SPEF2: variants seen among roughly 807,000 people sequenced by gnomAD.
SPEF2 encodes sperm flagellar and cilia associated 2, also known as sperm flagella and cilia-associated protein 2.
Under a neutral mutation model 224.6 loss-of-function variants are expected in SPEF2, and 187 were observed. The observed-to-expected ratio is 0.83, with a 90% CI of 0.74 to 0.94. SPEF2 has a LOEUF of 0.94. SPEF2 is among the 40% of genes least tolerant of loss of function. The pLI, the probability that SPEF2 is intolerant of heterozygous loss-of-function variation, is 0.00. For missense variants in SPEF2, 2,170 were observed against 2,135.6 expected (o/e 1.02, Z -0.32); for synonymous variants, 715 against 707.3 (o/e 1.01, Z -0.17).
Position 35,667,266 on chromosome 5 carries a change from A to AT in SPEF2, c.1355+15dup, listed in dbSNP as rs566674548. 1,039 of 1,586,786 alleles carry AT rather than the reference A, an allele frequency of 6.5e-4. 4 individuals are homozygous for AT. The highest frequency in any genetic ancestry group is 8.7e-4 in the Admixed American group (50 of 57,476). On this transcript the variant is annotated splice_region_variant and intron_variant, in intron 9 of 36. Transcript: ENST00000356031. ...ATCGAATGTTGACAAATAAGTAAGT[A>AT]TTTTTTTTGTAATAACAGTAGAGAC...
chr5:35,629,127 TTC>T (rs1340110153), intron 2 of SPEF2, among the ~76,000 whole-genome samples: 1 of 151,616 alleles, frequency 6.6e-6, no homozygotes, highest in Admixed American at 6.6e-5. Context: ...CCAGATTACT[TTC>T]TGTTTTGTTA....
chr5:35,805,026 G>A (rs1757890343), intron 34 of SPEF2, among the ~76,000 whole-genome samples: 2 of 152,152 alleles, frequency 1.3e-5, no homozygotes, highest in Admixed American at 6.5e-5. Flanking sequence ...TTATTGATGG[G>A]TAGCCAATGC....
chr5:35,677,618 A>G (rs994351894), intron 10 of SPEF2, among the ~76,000 whole-genome samples: 1 of 152,176 alleles, frequency 6.6e-6, no homozygotes, highest in Non-Finnish European at 1.5e-5. Context: ...CTTTCCAGGG[A>G]TAGAGAATGG....
intron 32 of SPEF2, among the ~76,000 whole-genome samples, chr5:35,795,078 GA>G: frequency 6.6e-6 from 1 of 151,992 alleles, no homozygotes; most frequent in Middle Eastern, 3.4e-3. Flanking sequence ...AAGATTTGTC[GA>G]AAACGCCCCA....
chr5:35,740,014 G>T lies in SPEF2; in HGVS notation c.3159G>T (p.Gln1053His). 1 of 1,614,116 alleles carries T rather than the reference G, an allele frequency of 6.2e-7. No individual in the cohort carries two copies. Among genetic ancestry groups the T allele is most frequent in the Non-Finnish European group, 8.5e-7 (1 of 1,180,008 alleles). Residue 1053 changes from glutamine to histidine, a missense_variant, in exon 22 of 37, where the codon CAG becomes CAT. Coordinates refer to ENST00000356031, the MANE Select transcript of SPEF2 (RefSeq NM_024867.4). ...TACTCAGGCATCTGAGGGAAGACCAGCATACTGTGCTTGCTTACTTATATG... is the reference window on the plus strand; with the variant it reads ...TACTCAGGCATCTGAGGGAAGACCATCATACTGTGCTTGCTTACTTATATG... The part of the protein sequence containing the change: ...KTVLRHLRED[Q>H]HTVLAYLYEI...
chr5:35,758,807 A>G (rs1381907611), intron 24 of SPEF2, among the ~76,000 whole-genome samples: 2 of 152,112 alleles, frequency 1.3e-5, no homozygotes, highest in Admixed American at 6.6e-5. Context: ...GGAGTTCGAA[A>G]CCAGCCTGGC....
At chr5:35,649,330 G>T in intron 5 of SPEF2, 31 bp from the exon 6 acceptor site, 1 of 1,576,084 alleles carries the variant, frequency 6.3e-7, no homozygotes, top group East Asian at 2.3e-5. Context: ...GTTTTTAGAG[G>T]CAGAGAACTG....
rs778316758 is a variant in SPEF2 at position 35,697,774 on chromosome 5, A to G, written c.2122A>G (p.Ile708Val). 3 of 1,612,490 alleles carry G rather than the reference A, an allele frequency of 1.9e-6. No homozygotes were observed. In the South Asian group the frequency reaches 3.3e-5, roughly 18 times the overall value. ...CATTCCTGATGTGCTGCTTGTTGAC[A>G]TCATAGTAAATGCTATTAAGTATGT... The part of the protein sequence containing the change: ...KSIPDVLLVD[I>V]IVNAINEIPV... The change falls in exon 15 of 37, where the codon ATC (isoleucine) becomes GTC (valine). Residue 708 changes from isoleucine (I) to valine (V), a missense_variant. Coordinates refer to ENST00000356031, the MANE Select transcript of SPEF2 (RefSeq NM_024867.4).
chr5:35,805,723 C>T (rs577151799), intron 34 of SPEF2, among the ~76,000 whole-genome samples: 12 of 152,258 alleles, frequency 7.9e-5, no homozygotes, highest in African/African-American at 2.9e-4. Context: ...ATCCAGAAGT[C>T]ACCACTGTTA....
intron 8 of SPEF2, among the ~76,000 whole-genome samples, chr5:35,663,968 G>GC (rs1294469304): frequency 6.6e-6 from 1 of 152,078 alleles, no homozygotes; most frequent in Non-Finnish European, 1.5e-5. Context: ...AGGCTTCATT[G>GC]CCCCCCTTCA....
At position 35,654,279 on chromosome 5, in the gene SPEF2, A is replaced by G. The variant is rs1748647850; in HGVS notation, c.792-261A>G. On this transcript the variant is annotated intron_variant, in intron 6 of 36. Transcript: ENST00000356031. ...TATCTCAAAAAAAAAAAAAAGGTGA[A>G]AGAATAAAAAGCTGATGGGCCTTGA... is the stretch of plus-strand genomic sequence containing the variant. Among the ~76,000 whole-genome samples, 8 of 152,058 alleles carry G rather than the reference A, an allele frequency of 5.3e-5. No homozygotes were observed. In the South Asian group the frequency reaches 1.7e-3, roughly 32 times the overall value.
intron 11 of SPEF2, 26 bp from the exon 12 acceptor site, chr5:35,692,544 T>C (rs1465901367): frequency 6.5e-7 from 1 of 1,535,616 alleles, no homozygotes. Context: ...GAAAAGCTAT[T>C]TATAAAATTA....
chr5:35,738,099 A>G (rs1422054827), intron 21 of SPEF2, among the ~76,000 whole-genome samples: 1 of 152,050 alleles, frequency 6.6e-6, no homozygotes, highest in East Asian at 1.9e-4. Flanking sequence ...AGTTCTTTGT[A>G]GATTCTGGAT....
chr5:35,751,829 G>C (rs987333275), intron 23 of SPEF2, among the ~76,000 whole-genome samples: 4 of 152,158 alleles, frequency 2.6e-5, no homozygotes, highest in African/African-American at 9.7e-5. Context: ...AACTTAACCT[G>C]TCTGTGTTTC....
intron 24 of SPEF2, among the ~76,000 whole-genome samples, chr5:35,758,683 A>G (rs970641785): frequency 1.3e-5 from 2 of 152,140 alleles, no homozygotes; most frequent in Admixed American, 1.3e-4. Flanking sequence ...TTGAACAAGA[A>G]AGGAAATTGT....
At chr5:35,689,484 C>A (rs1754133887) in intron 10 of SPEF2, among the ~76,000 whole-genome samples, 1 of 152,064 alleles carries the variant, frequency 6.6e-6, no homozygotes, top group Non-Finnish European at 1.5e-5. Flanking sequence ...CAATAGGTAG[C>A]TTTTTAGCCC....
At chr5:35,678,136 T>C (rs1041136804) in intron 10 of SPEF2, among the ~76,000 whole-genome samples, 1 of 152,214 alleles carries the variant, frequency 6.6e-6, no homozygotes, top group Non-Finnish European at 1.5e-5. Flanking sequence ...TCTTTTGCAA[T>C]AGGCTAAAAT....
intron 36 of SPEF2, among the ~76,000 whole-genome samples, chr5:35,810,972 C>G (rs896061059): frequency 6.6e-6 from 1 of 152,020 alleles, no homozygotes; most frequent in Non-Finnish European, 1.5e-5. Flanking sequence ...ACCCAGGGGA[C>G]TCATTTGTAT....
At chr5:35,725,424 A>G (rs962082455) in intron 20 of SPEF2, among the ~76,000 whole-genome samples, 1 of 152,018 alleles carries the variant, frequency 6.6e-6, no homozygotes, top group Non-Finnish European at 1.5e-5. Flanking sequence ...TCTTAAAAGA[A>G]AACAACAACA....
Sources: gnomAD v4.1 joint callset for allele counts (sites outside exome capture counted in the v4.1 genomes callset) on GRCh38, gnomAD v4.1.1 for gene constraint, MANE v1.5 for transcripts, NCBI Gene and HGNC (gene_info 2026-07-23, HGNC 2026-07-21) for gene names.